The following MIPOL1 variants were observed in gnomAD, a reference collection of about 807,000 sequenced individuals.
MIPOL1 encodes the protein mirror-image polydactyly 1.
Under a neutral mutation model 60.9 loss-of-function variants are expected in MIPOL1, and 57 were observed. That is an observed-to-expected ratio of 0.94 (90% CI 0.76 to 1.17). The LOEUF (loss-of-function observed/expected upper bound fraction) is 1.17, where lower values mean the gene tolerates loss of function less well. Ranked by LOEUF, MIPOL1 falls within the 50% of genes most tolerant of loss-of-function variation. The pLI, the probability that MIPOL1 is intolerant of heterozygous loss-of-function variation, is 0.00. For missense variants in MIPOL1, 551 were observed against 511.6 expected (o/e 1.08, Z -0.74); for synonymous variants, 179 against 168.8 (o/e 1.06, Z -0.47).
chr14:37,351,768 C>T (rs1470053024), intron 9 of MIPOL1, among the ~76,000 whole-genome samples: 1 of 113,676 alleles, frequency 8.8e-6, no homozygotes, highest in African/African-American at 3.3e-5. Context: ...TTGTTTTTTT[C>T]TTGTAAATTT....
At chr14:37,365,602 C>T (rs755488063) in intron 9 of MIPOL1, among the ~76,000 whole-genome samples, 6 of 151,844 alleles carry the variant, frequency 4.0e-5, no homozygotes, top group Non-Finnish European at 7.4e-5. Flanking sequence ...TTGTTGACCA[C>T]GTTTGCTAGT....
chr14:37,315,058 A>T (rs1417882541), intron 9 of MIPOL1, among the ~76,000 whole-genome samples: 1 of 152,152 alleles, frequency 6.6e-6, no homozygotes, highest in Non-Finnish European at 1.5e-5. Context: ...TGGTGTGATG[A>T]AAATAGTTAA....
Position 37,251,711 on chromosome 14 carries a change from ATAAT to A in MIPOL1, c.19+3807_19+3810del, listed in dbSNP as rs773380960. On this transcript the variant is annotated intron_variant, in intron 3 of 12. Coordinates refer to ENST00000684589, the MANE Select transcript of MIPOL1 (RefSeq NM_001388067.1). Reference sequence around the variant, plus strand: ...CATAGAGATCGTAAATCTTATATGAATAATTATTTGGAATACTGTTATAAATTCC... The same window carrying A: ...CATAGAGATCGTAAATCTTATATGAATATTTGGAATACTGTTATAAATTCC... 1.4e-4 allele frequency among the ~76,000 whole-genome samples: 21 copies of A among 152,216 alleles called. No individual in the cohort carries two copies. In the East Asian group the frequency reaches 3.9e-3, roughly 28 times the overall value.
intron 9 of MIPOL1, among the ~76,000 whole-genome samples, chr14:37,358,593 A>G (rs1193948704): frequency 6.6e-6 from 1 of 152,132 alleles, no homozygotes; most frequent in Non-Finnish European, 1.5e-5. Context: ...ACCAGTGATG[A>G]TGAGCATTTT....
chr14:37,292,642 G>A (rs1029860133), intron 7 of MIPOL1, among the ~76,000 whole-genome samples: 3 of 151,562 alleles, frequency 2.0e-5, no homozygotes, highest in Admixed American at 6.6e-5. Flanking sequence ...CACCAGCCCC[G>A]GCTAATTTTT....
intron 11 of MIPOL1, among the ~76,000 whole-genome samples, chr14:37,493,244 T>G (rs1325770553): frequency 6.6e-6 from 1 of 152,220 alleles, no homozygotes. Context: ...AATCCATGTT[T>G]AACATTACAA....
chr14:37,214,640 A>G (rs898369916), intron 1 of MIPOL1, among the ~76,000 whole-genome samples: 1 of 152,188 alleles, frequency 6.6e-6, no homozygotes, highest in Admixed American at 6.5e-5. Context: ...TTGCTCTACA[A>G]TTATAACCTG....
At position 37,285,420 on chromosome 14, in the gene MIPOL1, C is replaced by T. The variant is rs1489174940; in HGVS notation, c.596C>T (p.Ala199Val). ...GAGAGAGATGAAGCAATTGCACGAG[C>T]CAAGCATATGGAAATGTCTCTAAAA... ...IEERDEAIARAKHMEMSLKVL... is the reference protein window; with the variant it reads ...IEERDEAIARVKHMEMSLKVL... Residue 199 changes from alanine to valine, a missense_variant, in exon 7 of 13, where the codon GCC (alanine) becomes GTC (valine). Physicochemically the swap from Ala to Val is moderately conservative, Grantham distance 64. Transcript: ENST00000684589. 1.2e-6 allele frequency: 2 copies of T among 1,613,636 alleles called. No individual in the cohort carries two copies. The highest frequency in any genetic ancestry group is 2.2e-5 in the East Asian group (1 of 44,858).
chr14:37,265,047 G>A (rs1382452154), intron 3 of MIPOL1, among the ~76,000 whole-genome samples: 1 of 152,068 alleles, frequency 6.6e-6, no homozygotes, highest in Non-Finnish European at 1.5e-5. Context: ...ACTGATTTTA[G>A]AAATTTTCTT....
intron 1 of MIPOL1, among the ~76,000 whole-genome samples, chr14:37,215,659 T>C (rs924405344): frequency 6.6e-6 from 1 of 152,138 alleles, no homozygotes; most frequent in Middle Eastern, 3.2e-3. Flanking sequence ...TGAATATAAA[T>C]GGACTAAACT....
At chr14:37,224,921 G>A (rs1343547934) in intron 1 of MIPOL1, among the ~76,000 whole-genome samples, 1 of 152,180 alleles carries the variant, frequency 6.6e-6, no homozygotes, top group Non-Finnish European at 1.5e-5. Flanking sequence ...TAGGCATTGG[G>A]CAAATACAGC....
intron 1 of MIPOL1, among the ~76,000 whole-genome samples, chr14:37,202,147 G>T (rs1203782275): frequency 6.6e-6 from 1 of 152,142 alleles, no homozygotes; most frequent in African/African-American, 2.4e-5. Context: ...TTGTTTTTAA[G>T]TAATTTATAG....
At chr14:37,419,875 G>C (rs2093840637) in intron 10 of MIPOL1, among the ~76,000 whole-genome samples, 1 of 151,796 alleles carries the variant, frequency 6.6e-6, no homozygotes, top group South Asian at 2.1e-4. Flanking sequence ...TGAGTAGCTG[G>C]GTCTATAGGT....
chr14:37,217,298 T>A (rs531941579), intron 1 of MIPOL1, among the ~76,000 whole-genome samples: 1 of 152,314 alleles, frequency 6.6e-6, no homozygotes, highest in Non-Finnish European at 1.5e-5. Flanking sequence ...ATGGCTTTAC[T>A]GCTGAATTCT....
At chr14:37,269,745 T>G (rs1567219995) in intron 5 of MIPOL1, among the ~76,000 whole-genome samples, 1 of 152,208 alleles carries the variant, frequency 6.6e-6, no homozygotes, top group African/African-American at 2.4e-5. Context: ...CAGTGCTATC[T>G]GTTATTTTAT....
intron 1 of MIPOL1, among the ~76,000 whole-genome samples, chr14:37,233,503 A>G (rs1970945755): frequency 6.6e-6 from 1 of 152,200 alleles, no homozygotes; most frequent in Non-Finnish European, 1.5e-5. Context: ...CATTTAGTCC[A>G]TCCCTAAAGA....
intron 1 of MIPOL1, among the ~76,000 whole-genome samples, chr14:37,224,641 A>G (rs1969394267): frequency 6.6e-6 from 1 of 152,096 alleles, no homozygotes; most frequent in South Asian, 2.1e-4. Flanking sequence ...CTACAACATG[A>G]GGGAATTATG....
intron 12 of MIPOL1, among the ~76,000 whole-genome samples, chr14:37,522,113 AC>A (rs2095418367): frequency 1.3e-5 from 2 of 151,800 alleles, no homozygotes; most frequent in East Asian, 1.9e-4. Flanking sequence ...ATACTAAAAA[AC>A]ATTTTTAAAT....
intron 7 of MIPOL1, among the ~76,000 whole-genome samples, chr14:37,304,367 TA>T (rs1447777174): frequency 6.6e-6 from 1 of 151,616 alleles, no homozygotes; most frequent in Non-Finnish European, 1.5e-5. Flanking sequence ...GGGAAAAAAA[TA>T]AAAAAGGATT....
Sources: gnomAD v4.1 joint callset for allele counts (sites outside exome capture counted in the v4.1 genomes callset) on GRCh38, gnomAD v4.1.1 for gene constraint, MANE v1.5 for transcripts, NCBI Gene and HGNC (gene_info 2026-07-23, HGNC 2026-07-21) for gene names.